LRRTM4: variants seen among roughly 807,000 people sequenced by gnomAD.
LRRTM4 encodes the protein leucine-rich repeat transmembrane neuronal protein 4.
In LRRTM4, 25 loss-of-function variants were observed where a neutral mutation model predicts 47.6. The observed-to-expected ratio is 0.53, with a 90% CI of 0.38 to 0.73. The LOEUF is 0.73. Among genes scored for constraint, LRRTM4 ranks in the 30% least tolerant of loss-of-function variants. The pLI, the probability that LRRTM4 is intolerant of heterozygous loss-of-function variation, is 0.00. For missense variants in LRRTM4, 638 were observed against 713.4 expected, an observed-to-expected ratio of 0.89 and a Z score of 1.20; for synonymous variants, 311 against 269.5, an observed-to-expected ratio of 1.15 and a Z score of -1.51.
chr2:77,237,263 C>A (rs189905450), intron 3 of LRRTM4, among the ~76,000 whole-genome samples: 1 of 151,366 alleles, frequency 6.6e-6, no homozygotes, highest in Non-Finnish European at 1.5e-5. Flanking sequence ...TCCAGATTCA[C>A]GCTTGGGAGA....
intron 3 of LRRTM4, among the ~76,000 whole-genome samples, chr2:77,220,840 A>C (rs1674601432): frequency 6.6e-6 from 1 of 152,204 alleles, no homozygotes; most frequent in Non-Finnish European, 1.5e-5. Context: ...ATTCAAATTC[A>C]GGAAATACAG....
intron 3 of LRRTM4, among the ~76,000 whole-genome samples, chr2:76,965,887 G>A (rs978188580): frequency 7.3e-5 from 11 of 151,382 alleles, no homozygotes; most frequent in African/African-American, 2.7e-4. Context: ...TCAATAAAGT[G>A]AAAACCGAGT....
chr2:76,782,631 G>T (rs1010280481), intron 3 of LRRTM4, among the ~76,000 whole-genome samples: 1 of 151,798 alleles, frequency 6.6e-6, no homozygotes, highest in African/African-American at 2.4e-5. Context: ...GCCCTGCACG[G>T]GTCTGTGCTT....
intron 3 of LRRTM4, among the ~76,000 whole-genome samples, chr2:76,824,605 A>G (rs796117375): frequency 3.0e-4 from 44 of 148,074 alleles, no homozygotes; most frequent in African/African-American, 1.1e-3. Context: ...GAATCTCATT[A>G]GGGCCTTAAC....
At position 77,034,192 on chromosome 2, in the gene LRRTM4, T is replaced by C. The variant is rs115537072; in HGVS notation, c.1552-285276A>G. 4.8e-3 allele frequency among the ~76,000 whole-genome samples: 722 copies of C among 151,964 alleles called. 4 individuals carry two copies. The highest frequency in any genetic ancestry group is 6.8e-3 in the Middle Eastern group (2 of 294). ...ATAGAATCCATTTCAAATTGTTTAATTTTAATAAACTACAGAAAAGATATG... is the reference window on the plus strand; with the variant it reads ...ATAGAATCCATTTCAAATTGTTTAACTTTAATAAACTACAGAAAAGATATG... On this transcript the variant is annotated intron_variant, in intron 3 of 3. Coordinates refer to ENST00000409884, the MANE Select transcript of LRRTM4 (RefSeq NM_001134745.3).
intron 3 of LRRTM4, among the ~76,000 whole-genome samples, chr2:76,935,157 G>C (rs902162613): frequency 6.6e-6 from 1 of 152,124 alleles, no homozygotes; most frequent in Non-Finnish European, 1.5e-5. Flanking sequence ...ATTGTGTAGT[G>C]TAAGTAATGG....
At chr2:77,302,488 T>C (rs1206688273) in intron 3 of LRRTM4, among the ~76,000 whole-genome samples, 1 of 152,186 alleles carries the variant, frequency 6.6e-6, no homozygotes, top group Non-Finnish European at 1.5e-5. Flanking sequence ...TGGAATATAA[T>C]GAAAAATATC....
At chr2:77,286,454 A>T (rs904517838) in intron 3 of LRRTM4, among the ~76,000 whole-genome samples, 1 of 151,932 alleles carries the variant, frequency 6.6e-6, no homozygotes, top group Admixed American at 6.6e-5. Context: ...AAAATTCATA[A>T]AACTAGCCTA....
chr2:76,911,059 A>G (rs537789543), intron 3 of LRRTM4, among the ~76,000 whole-genome samples: 33 of 152,364 alleles, frequency 2.2e-4, no homozygotes, highest in African/African-American at 7.9e-4. Flanking sequence ...GATTCATAAT[A>G]GTTACACATT....
chr2:77,459,456 A>T (rs1676692083), intron 3 of LRRTM4, among the ~76,000 whole-genome samples: 1 of 152,092 alleles, frequency 6.6e-6, no homozygotes, highest in Non-Finnish European at 1.5e-5. Flanking sequence ...CATGAACCTT[A>T]TTGTAAAAGT....
chr2:77,306,968 C>T (rs1246891949), intron 3 of LRRTM4, among the ~76,000 whole-genome samples: 3 of 138,734 alleles, frequency 2.2e-5, no homozygotes, highest in Admixed American at 7.5e-5. Context: ...GGCGCGATCT[C>T]GGCTCACTGC....
At chr2:77,334,101 T>C (rs1361249081) in intron 3 of LRRTM4, among the ~76,000 whole-genome samples, 1 of 152,212 alleles carries the variant, frequency 6.6e-6, no homozygotes, top group Non-Finnish European at 1.5e-5. Flanking sequence ...GGAATGGCTA[T>C]ATTTACCCAA....
intron 3 of LRRTM4, among the ~76,000 whole-genome samples, chr2:77,147,630 G>A (rs961255569): frequency 1.6e-4 from 24 of 151,994 alleles, no homozygotes; most frequent in Non-Finnish European, 1.0e-4. Flanking sequence ...CAGTGACTCC[G>A]TCATACTGCT....
At chr2:77,256,173 A>C (rs952766073) in intron 3 of LRRTM4, among the ~76,000 whole-genome samples, 5 of 152,136 alleles carry the variant, frequency 3.3e-5, no homozygotes, top group Non-Finnish European at 7.4e-5. Context: ...TTGACAACAC[A>C]GGTAAAATGG....
At chr2:77,210,587 C>T (rs948688700) in intron 3 of LRRTM4, among the ~76,000 whole-genome samples, 26 of 152,034 alleles carry the variant, frequency 1.7e-4, no homozygotes, top group African/African-American at 5.8e-4. Context: ...ACAATCTTTA[C>T]CTGTCTCTGT....
intron 3 of LRRTM4, among the ~76,000 whole-genome samples, chr2:77,390,129 A>G (rs1331497845): frequency 1.3e-5 from 2 of 152,090 alleles, no homozygotes; most frequent in African/African-American, 4.8e-5. Context: ...CTACTTTCAT[A>G]TTAACACTGC....
rs775940041 is a variant in LRRTM4, at chr2:76,753,925, C to T, written c.1552-5009G>A. On this transcript the variant is annotated intron_variant, in intron 3 of 3. Coordinates refer to ENST00000409884, the MANE Select transcript of LRRTM4 (RefSeq NM_001134745.3). ...CATTAGTTGTAAGTCGCTTAAGAGTCGGATCATTTTAAAATTACCATGGAC... is the reference window on the plus strand; with the variant it reads ...CATTAGTTGTAAGTCGCTTAAGAGTTGGATCATTTTAAAATTACCATGGAC... 1.3e-5 allele frequency among the ~76,000 whole-genome samples: 2 copies of T among 152,090 alleles called. 1 individual carries two copies. The highest frequency in any genetic ancestry group is 4.1e-4 in the South Asian group (2 of 4,828).
chr2:77,498,604 G>T (rs187129420), intron 3 of LRRTM4, among the ~76,000 whole-genome samples: 1 of 151,844 alleles, frequency 6.6e-6, no homozygotes, highest in East Asian at 1.9e-4. Context: ...GGCCTGGTGG[G>T]TGCTATATGT....
chr2:76,851,755 GTTTTTTTTTTTTT>G (rs34184474), intron 3 of LRRTM4, among the ~76,000 whole-genome samples: 1 of 117,744 alleles, frequency 8.5e-6, no homozygotes, highest in Non-Finnish European at 1.7e-5. Context: ...ACTTTTATTC[GTTTTTTTTTTTTT>G]TTTTTTTGAC....
Sources: allele counts gnomAD v4.1 joint callset (sites outside exome capture counted in the v4.1 genomes callset), GRCh38; gene constraint gnomAD v4.1.1; transcripts MANE v1.5; gene names NCBI Gene and HGNC (gene_info 2026-07-23, HGNC 2026-07-21).